The following GSDME variants were observed in gnomAD, a reference collection of about 807,000 sequenced individuals.
GSDME encodes the protein gasdermin-E.
In GSDME, 44 loss-of-function variants were observed where a neutral mutation model predicts 47.5. That is an observed-to-expected ratio of 0.93 (90% CI 0.73 to 1.19). GSDME has a LOEUF of 1.19. Ranked by LOEUF, GSDME falls within the 50% of genes most tolerant of loss-of-function variation. The pLI is 0.00. For synonymous variants in GSDME, 258 were observed against 252.8 expected (o/e 1.02, Z -0.20); for missense variants, 663 against 604.2 (o/e 1.10, Z -1.02).
chr7:24,717,729 C>T (rs998932076), intron 4 of GSDME, among the ~76,000 whole-genome samples: 8 of 152,182 alleles, frequency 5.3e-5, no homozygotes, highest in Admixed American at 4.6e-4. Context: ...TAATGAAAAC[C>T]TTAAACAGTA....
chr7:24,737,361 G>A (rs1790342754), intron 3 of GSDME, among the ~76,000 whole-genome samples: 1 of 151,868 alleles, frequency 6.6e-6, no homozygotes, highest in Non-Finnish European at 1.5e-5. Context: ...AGGCTACTAT[G>A]AGTAACTATA....
upstream of GSDME, among the ~76,000 whole-genome samples, chr7:24,758,361 CTT>C (rs1273682284): frequency 2.0e-5 from 3 of 152,228 alleles, no homozygotes; most frequent in Admixed American, 6.5e-5. The surrounding 1 kb of genome is among the most constrained non-coding windows in gnomAD (Gnocchi z 4.6). Context: ...AGCTTTGCCT[CTT>C]GTCTCCTTGC....
chr7:24,748,444 C>T (rs1424256703), intron 2 of GSDME, among the ~76,000 whole-genome samples: 3 of 152,150 alleles, frequency 2.0e-5, no homozygotes, highest in Non-Finnish European at 4.4e-5. Flanking sequence ...AGGCATGAGC[C>T]ACCACGCCCG....
chr7:24,780,584 T>C, the GSDME span, among the ~76,000 whole-genome samples: 1 of 152,170 alleles, frequency 6.6e-6, no homozygotes, highest in Non-Finnish European at 1.5e-5. This position sits in a 1 kb window ranked among gnomAD's most constrained non-coding sequence, Gnocchi z 4.1. Context: ...GCCTGAAAAA[T>C]GCCCATTCAG....
rs144923140 is a variant in GSDME at position 24,722,663 on chromosome 7, A to G, written c.405-3445T>C. On this transcript the variant is annotated intron_variant, in intron 3 of 9. Coordinates refer to ENST00000645220, the MANE Select transcript of GSDME (RefSeq NM_001127453.2). The stretch of plus-strand genomic sequence containing the variant: ...CTCCTACCCGCCCTAAACAGAATCC[A>G]CTGAACACTGGACACTGCTCCTAGC... Among the ~76,000 whole-genome samples the G allele has an allele frequency of 1.2e-3, 177 of 152,334 alleles. 1 individual carries two copies. The highest frequency in any genetic ancestry group is 9.5e-3 in the South Asian group (46 of 4,828).
rs1788719516 is a variant in GSDME, at chr7:24,698,371, C to G, written c.*655G>C. The G allele has an allele frequency of 6.5e-6, 1 of 153,368 alleles. No homozygotes were observed. Among genetic ancestry groups the G allele is most frequent in the African/African-American group, 2.4e-5 (1 of 41,418 alleles). 9.5% of individuals were successfully genotyped at this position (153,368 alleles called of 1,614,324 possible). A position where few individuals can be genotyped will look rare whatever the true frequency, so the allele number is the denominator to read the frequency against. ...CAAAATAGACATAGTTCAAAGTTTC[C>G]TTTAATAGAATACCCAGAATACATA... On this transcript the variant is annotated 3_prime_UTR_variant, in exon 10 of 10. Coordinates refer to ENST00000645220, the MANE Select transcript of GSDME (RefSeq NM_001127453.2).
intron 1 of GSDME, among the ~76,000 whole-genome samples, chr7:24,753,109 T>A (rs2128067367): frequency 6.6e-6 from 1 of 152,308 alleles, no homozygotes; most frequent in South Asian, 2.1e-4. Context: ...GACTCAGACT[T>A]TTTAATCATG....
intron 9 of GSDME, 112 bp downstream of exon 9, chr7:24,702,648 G>T: frequency 1.2e-6 from 1 of 842,212 alleles, no homozygotes; most frequent in Non-Finnish European, 2.0e-6. Flanking sequence ...AATGTGTCTT[G>T]AAGAGCTGTT....
At chr7:24,734,924 A>T (rs1037036858) in intron 3 of GSDME, among the ~76,000 whole-genome samples, 2 of 152,220 alleles carry the variant, frequency 1.3e-5, no homozygotes, top group South Asian at 2.1e-4. Context: ...CTAGAACAAG[A>T]TATCAATACC....
chr7:24,738,849 T>A (rs1041513642), intron 3 of GSDME, among the ~76,000 whole-genome samples: 5 of 152,168 alleles, frequency 3.3e-5, no homozygotes, highest in Admixed American at 1.3e-4. Context: ...TTGAACTCAT[T>A]TTCAATAAAG....
In GSDME at chr7:24,721,118, T is replaced by C. The variant is rs1405629315; in HGVS notation, c.405-1900A>G. ...GCTTCGCTGCCTGATGGCTGCAGAGTTCCTAGTTGAGGTGACGAAGAAGTT... is the reference window on the plus strand; with the variant it reads ...GCTTCGCTGCCTGATGGCTGCAGAGCTCCTAGTTGAGGTGACGAAGAAGTT... On this transcript the variant is annotated intron_variant, in intron 3 of 9. Transcript: ENST00000645220. This position sits in a 1 kb window ranked among gnomAD's most constrained non-coding sequence, Gnocchi z 4.1. Among the ~76,000 whole-genome samples the C allele has an allele frequency of 6.6e-6, 1 of 151,682 alleles. No individual in the cohort carries two copies. The highest frequency in any genetic ancestry group is 1.5e-5 in the Non-Finnish European group (1 of 68,022).
At chr7:24,774,867 G>A in the GSDME span, among the ~76,000 whole-genome samples, 1 of 152,122 alleles carries the variant, frequency 6.6e-6, no homozygotes, top group African/African-American at 2.4e-5. Flanking sequence ...ATGCAGATGT[G>A]AAACCCAGCC....
At position 24,724,204 on chromosome 7, in the gene GSDME, G is replaced by T. The variant is rs924459599; in HGVS notation, c.405-4986C>A. Among the ~76,000 whole-genome samples the T allele has an allele frequency of 4.6e-5, 7 of 151,644 alleles. No individual in the cohort carries two copies. The highest frequency in any genetic ancestry group is 7.4e-5 in the Non-Finnish European group (5 of 67,966). On this transcript the variant is annotated intron_variant, in intron 3 of 9. Coordinates refer to ENST00000645220, the MANE Select transcript of GSDME (RefSeq NM_001127453.2). This position sits in a 1 kb window ranked among gnomAD's most constrained non-coding sequence, Gnocchi z 4.8. Reference sequence around the variant, plus strand: ...AAAAAAAAAAGTATTTTAAAAAAAGGCCTTCTGGACAGACTGTAAGCTCCT... The same window carrying T: ...AAAAAAAAAAGTATTTTAAAAAAAGTCCTTCTGGACAGACTGTAAGCTCCT...
chr7:24,722,539 C>A (rs1789828393), intron 3 of GSDME, among the ~76,000 whole-genome samples: 1 of 152,198 alleles, frequency 6.6e-6, no homozygotes, highest in Admixed American at 6.5e-5. Flanking sequence ...GGGCTCCTCC[C>A]AGCTAGACGC....
chr7:24,780,022 C>T, the GSDME span, among the ~76,000 whole-genome samples: 3 of 152,246 alleles, frequency 2.0e-5, no homozygotes, highest in African/African-American at 4.8e-5. This position sits in a 1 kb window ranked among gnomAD's most constrained non-coding sequence, Gnocchi z 4.1. Context: ...GAAGGGGCTC[C>T]GCCCTGCTTC....
chr7:24,731,375 C>T (rs1388171618), intron 3 of GSDME, among the ~76,000 whole-genome samples: 5 of 152,238 alleles, frequency 3.3e-5, no homozygotes, highest in Non-Finnish European at 7.3e-5. Context: ...AACCAGAGCC[C>T]CGCCGACTTT....
rs1180330694 is a variant in GSDME, at chr7:24,712,746, C to A, written c.698-2358G>T. ...ACAGATTAACAAGAGAGGCCAGGCA[C>A]GGTGGCTCACACCTATAATCCTAAC... On this transcript the variant is annotated intron_variant, in intron 5 of 9. Transcript: ENST00000645220. The surrounding 1 kb of genome is among the most constrained non-coding windows in gnomAD (Gnocchi z 4.4). 6.6e-6 allele frequency among the ~76,000 whole-genome samples: 1 copy of A among 152,162 alleles called. No homozygotes were observed. The highest frequency in any genetic ancestry group is 2.4e-5 in the African/African-American group (1 of 41,430).
At chr7:24,764,337 T>A in the GSDME span, among the ~76,000 whole-genome samples, 1 of 152,248 alleles carries the variant, frequency 6.6e-6, no homozygotes, top group Non-Finnish European at 1.5e-5. This position sits in a 1 kb window ranked among gnomAD's most constrained non-coding sequence, Gnocchi z 4.4. Context: ...TGTGATATCA[T>A]GAAAGCTTTC....
the GSDME span, among the ~76,000 whole-genome samples, chr7:24,792,487 T>G: frequency 3.3e-5 from 5 of 152,332 alleles, no homozygotes; most frequent in East Asian, 9.6e-4. Flanking sequence ...GTCTTTGACT[T>G]GGCAAGTCCC....
Sources: gnomAD v4.1 joint callset for allele counts (sites outside exome capture counted in the v4.1 genomes callset) on GRCh38, gnomAD v4.1.1 for gene constraint, Gnocchi (gnomAD v3.1) non-coding constraint, MANE v1.5 for transcripts, NCBI Gene and HGNC (gene_info 2026-07-23, HGNC 2026-07-21) for gene names.